Variants in RNF213 observed in about 807,000 individuals in gnomAD.
The protein encoded by RNF213 is E3 ubiquitin-protein ligase RNF213.
RNF213 carries 341 observed loss-of-function variants against 514.4 expected under a neutral mutation model. The ratio of observed to expected loss-of-function variants is 0.66; its 90% confidence interval spans 0.61 to 0.73. The LOEUF (loss-of-function observed/expected upper bound fraction) is 0.73. Among genes scored for constraint, RNF213 ranks in the 30% least tolerant of loss-of-function variants. The pLI, the probability that RNF213 is intolerant of heterozygous loss-of-function variation, is 0.00. For missense variants in RNF213, 5,767 were observed against 6,615.6 expected (o/e 0.87, Z 4.45); for synonymous variants, 2,655 against 2,658.2 (o/e 1.00, Z 0.04).
chr17:80,318,741 A>T (rs116952508), intron 16 of RNF213, among the ~76,000 whole-genome samples: 1 of 151,376 alleles, frequency 6.6e-6, no homozygotes, highest in Non-Finnish European at 1.5e-5. Context: ...GCCCAGCTAT[A>T]TTTTTGTATT....
chr17:80,278,917 C>A (rs139217743), intron 3 of RNF213: 2 of 1,537,042 alleles, frequency 1.3e-6, no homozygotes, highest in East Asian at 4.9e-5. Flanking sequence ...GCAGGTAGTC[C>A]GAGTCAATAG....
intron 21 of RNF213, among the ~76,000 whole-genome samples, chr17:80,333,051 T>C (rs1300121722): frequency 6.7e-6 from 1 of 149,976 alleles, no homozygotes; most frequent in African/African-American, 2.5e-5. Context: ...GGTGACTCTT[T>C]TGCTTTTTTT....
intron 11 of RNF213, among the ~76,000 whole-genome samples, chr17:80,300,308 A>G (rs1249713183): frequency 6.6e-6 from 1 of 151,878 alleles, no homozygotes; most frequent in African/African-American, 2.4e-5. Context: ...TCTGTCACCC[A>G]GGCTGGAGTG....
At chr17:80,271,158 GT>G (rs75340782) in intron 2 of RNF213, among the ~76,000 whole-genome samples, 3 of 146,554 alleles carry the variant, frequency 2.0e-5, no homozygotes, top group African/African-American at 7.4e-5. Flanking sequence ...AGAATCCCTG[GT>G]TGTAGGTGAA....
chr17:80,348,411 T>A, intron 29 of RNF213, 125 bp downstream of exon 29: 1 of 1,353,032 alleles, frequency 7.4e-7, no homozygotes. Flanking sequence ...GCTGAGACGC[T>A]GAGCTCTCCT....
At chr17:80,358,520 A>G (rs758976320) in intron 37 of RNF213, 41 bp downstream of exon 37, 2 of 1,559,974 alleles carry the variant, frequency 1.3e-6, no homozygotes, top group South Asian at 2.2e-5. Flanking sequence ...AGAAACTATC[A>G]GAACACAGCA....
chr17:80,363,381 G>A, intron 40 of RNF213, 67 bp downstream of exon 40: 1 of 1,497,094 alleles, frequency 6.7e-7, no homozygotes. Context: ...TGGGAATGGA[G>A]AGCTTCTGGG....
chr17:80,376,516 T>C lies in RNF213; in HGVS notation c.13401T>C (p.Asn4467=). 6.2e-7 allele frequency: 1 copy of C among 1,614,102 alleles called. No individual in the cohort carries two copies. ...ATGAACTCTTGGAGCCCCTAAAGAA[T>C]CTGGCCTTCTCCCCAGCCACCATGG... ...GQNELLEPLK[N]LAFSPATMAH... is the part of the protein sequence containing the mutation. Residue 4467 remains asparagine, a synonymous_variant, in exon 52 of 68, where the codon AAT becomes AAC. Coordinates refer to ENST00000582970, the MANE Select transcript of RNF213 (RefSeq NM_001256071.3).
chr17:80,273,462 A>G, intron 3 of RNF213, 58 bp downstream of exon 3: 1 of 1,600,188 alleles, frequency 6.2e-7, no homozygotes, highest in Non-Finnish European at 8.5e-7. Context: ...GGAAAATCTC[A>G]CTGCACAGCT....
chr17:80,280,578 C>T (rs572327488), intron 3 of RNF213, among the ~76,000 whole-genome samples: 117 of 152,208 alleles, frequency 7.7e-4, no homozygotes, highest in Admixed American at 5.9e-4. Flanking sequence ...CTCAGCCTCC[C>T]GAGTAGCTGG....
At chr17:80,389,978 C>T (rs771767298) in intron 66 of RNF213, 34 bp from the exon 67 acceptor site, 12 of 1,613,906 alleles carry the variant, frequency 7.4e-6, no homozygotes, top group Non-Finnish European at 1.0e-5. Context: ...TCCCTGCAGG[C>T]TTTAATGCTT....
chr17:80,372,227 CATT>C (rs1404814837), intron 47 of RNF213, among the ~76,000 whole-genome samples: 1 of 152,178 alleles, frequency 6.6e-6, no homozygotes, highest in Non-Finnish European at 1.5e-5. Flanking sequence ...CAGTGGTTAT[CATT>C]GAGTGGGGAC....
chr17:80,279,005 C>T, intron 3 of RNF213: 1 of 1,482,670 alleles, frequency 6.7e-7, no homozygotes, highest in Non-Finnish European at 9.0e-7. Context: ...GCCCTTGAGT[C>T]CCTGCCAGTC....
intron 5 of RNF213, 93 bp from the exon 6 acceptor site, chr17:80,289,566 G>C: frequency 7.2e-7 from 1 of 1,388,946 alleles, no homozygotes; most frequent in South Asian, 1.2e-5. Flanking sequence ...CTCCAGCCTT[G>C]GTAATAAGAG....
At chr17:80,296,363 C>T (rs1469442168) in intron 10 of RNF213, among the ~76,000 whole-genome samples, 1 of 152,146 alleles carries the variant, frequency 6.6e-6, no homozygotes, top group Non-Finnish European at 1.5e-5. Flanking sequence ...TCATGAGCAG[C>T]CTCTGTGTGC....
At chr17:80,319,670 C>T (rs1046648633) in intron 17 of RNF213, 20 of 1,452,174 alleles carry the variant, frequency 1.4e-5, no homozygotes, top group Admixed American at 5.1e-5. Context: ...AGTAGGTGTG[C>T]GGGAAGAGAC....
At position 80,363,678 on chromosome 17, in the gene RNF213, C is replaced by A; in HGVS notation, c.11638C>A (p.Gln3880Lys). The A allele has an allele frequency of 6.2e-7, 1 of 1,614,108 alleles. No homozygotes were observed. Among genetic ancestry groups the A allele is most frequent in the Non-Finnish European group, 8.5e-7 (1 of 1,180,016 alleles). ...LTRNTLKPSP[Q>K]AWLQLVKNLS... is the part of the protein sequence containing the mutation. Reference sequence around the variant, plus strand: ...AAGAAACACCCTGAAGCCCAGTCCCCAGGCGTGGCTACAGTTGGTGAAGAA... The same window carrying A: ...AAGAAACACCCTGAAGCCCAGTCCCAAGGCGTGGCTACAGTTGGTGAAGAA... The change falls in exon 41 of 68, where the codon CAG becomes AAG. Residue 3880 changes from glutamine to lysine, a missense_variant. Gln to Lys is a moderately conservative substitution (Grantham distance 53). Transcript: ENST00000582970.
chr17:80,388,028 C>G (rs770321696), intron 63 of RNF213, among the ~76,000 whole-genome samples: 60 of 148,704 alleles, frequency 4.0e-4, no homozygotes, highest in Non-Finnish European at 5.3e-4. Flanking sequence ...GGCGCAATCT[C>G]AGCTTGCTGC....
At position 80,349,905 on chromosome 17, in the gene RNF213, C is replaced by G; in HGVS notation, c.10087C>G (p.Arg3363Gly). 6.2e-7 allele frequency: 1 copy of G among 1,613,194 alleles called. No individual in the cohort carries two copies. Among genetic ancestry groups the G allele is most frequent in the Non-Finnish European group, 8.5e-7 (1 of 1,179,840 alleles). The change falls in exon 30 of 68, where the codon CGA (arginine) becomes GGA (glycine). Residue 3363 changes from arginine (R) to glycine (G), a missense_variant and splice_region_variant. Coordinates refer to ENST00000582970, the MANE Select transcript of RNF213 (RefSeq NM_001256071.3). Reference protein sequence around the residue: ...DTEYSFLKEVRNCLTNTAKCK... With the variant: ...DTEYSFLKEVGNCLTNTAKCK... Reference sequence around the variant, plus strand: ...CGAGTACTCATTCCTCAAAGAAGTCCGGTGAGGTTCCCTGCCTTCCCTGCT... The same window carrying G: ...CGAGTACTCATTCCTCAAAGAAGTCGGGTGAGGTTCCCTGCCTTCCCTGCT...
Sources: gnomAD v4.1 joint callset for allele counts (sites outside exome capture counted in the v4.1 genomes callset) on GRCh38, gnomAD v4.1.1 for gene constraint, MANE v1.5 for transcripts, NCBI Gene and HGNC (gene_info 2026-07-23, HGNC 2026-07-21) for gene names.